The following CNTN6 variants were observed in gnomAD, a reference collection of about 807,000 sequenced individuals.
CNTN6 encodes contactin 6, also known as contactin-6.
CNTN6 carries 137 observed loss-of-function variants against 122.8 expected under a neutral mutation model. That is an observed-to-expected ratio of 1.12 (90% CI 0.97 to 1.29). The LOEUF is 1.29. CNTN6 is among the 50% of genes most tolerant of loss of function. The pLI, the probability that CNTN6 is intolerant of heterozygous loss-of-function variation, is 0.00. For synonymous variants in CNTN6, 570 were observed against 426.0 expected (o/e 1.34, Z -4.16); for missense variants, 1,634 against 1,223.4 (o/e 1.34, Z -5.01).
chr3:1,232,916 G>C (rs145247225), intron 4 of CNTN6, among the ~76,000 whole-genome samples: 1 of 152,302 alleles, frequency 6.6e-6, no homozygotes, highest in East Asian at 1.9e-4. Context: ...CGGAAGAACA[G>C]TAAGAGGAAA....
chr3:1,300,449 C>A (rs1575606115), intron 7 of CNTN6, among the ~76,000 whole-genome samples: 2 of 114,446 alleles, frequency 1.7e-5, no homozygotes, highest in African/African-American at 4.4e-5. Flanking sequence ...AGGGTCAGTT[C>A]AGGAAGGAAG....
At chr3:1,380,128 T>C (rs1175353007) in intron 17 of CNTN6, among the ~76,000 whole-genome samples, 1 of 152,184 alleles carries the variant, frequency 6.6e-6, no homozygotes, top group Non-Finnish European at 1.5e-5. Context: ...CCCAGGTCAA[T>C]GTCACTCCTG....
intron 1 of CNTN6, among the ~76,000 whole-genome samples, chr3:1,104,361 T>A (rs1490195687): frequency 2.6e-5 from 4 of 151,984 alleles, no homozygotes; most frequent in Non-Finnish European, 4.4e-5. Context: ...TTATAGAGAG[T>A]GAGATATTCT....
At chr3:1,100,568 T>C (rs2090833458) in intron 1 of CNTN6, among the ~76,000 whole-genome samples, 1 of 152,156 alleles carries the variant, frequency 6.6e-6, no homozygotes, top group South Asian at 2.1e-4. Flanking sequence ...TCAGCTATTA[T>C]ATATTTCAAT....
Position 1,376,951 on chromosome 3 carries a change from G to C in CNTN6, c.2096-54G>C. The C allele has an allele frequency of 3.3e-6, 4 of 1,216,416 alleles. No homozygotes were observed. In the Admixed American group the frequency reaches 7.9e-5, roughly 24 times the overall value. The allele number at this position is 1,216,416 out of a possible 1,614,324, so 75.4% of individuals were successfully genotyped here. On this transcript the variant is annotated intron_variant, in intron 16 of 22. Transcript: ENST00000446702. The stretch of plus-strand genomic sequence containing the variant: ...GAAATTCAAAAACAAAATTCTTCCT[G>C]ATGAAGACGTACTTTAATAATTGCC...
chr3:1,387,960 T>A (rs954995740), intron 20 of CNTN6, among the ~76,000 whole-genome samples: 1 of 151,898 alleles, frequency 6.6e-6, no homozygotes, highest in Non-Finnish European at 1.5e-5. Context: ...GAGATCAAAC[T>A]GCAAGGCGGC....
chr3:1,320,699 T>C (rs144191665), intron 7 of CNTN6, among the ~76,000 whole-genome samples: 42 of 151,882 alleles, frequency 2.8e-4, no homozygotes, highest in African/African-American at 1.0e-3. Flanking sequence ...GTGAACAGAC[T>C]GGGGATTCAT....
At chr3:1,389,594 G>GTAAATGGACTAAATT in intron 20 of CNTN6, among the ~76,000 whole-genome samples, 1 of 123,886 alleles carries the variant, frequency 8.1e-6, no homozygotes. Context: ...TGGACTAAAT[G>GTAAATGGACTAAATT]CTCTAATTAA....
chr3:1,325,508 T>C (rs265782), intron 8 of CNTN6, among the ~76,000 whole-genome samples: 84,078 of 151,448 alleles, frequency 0.56, 24,907 homozygotes, highest in East Asian at 0.76. Context: ...ATATTTAGCA[T>C]GGATTTATTC....
chr3:1,310,501 G>A (rs1044681542), intron 7 of CNTN6, among the ~76,000 whole-genome samples: 1 of 152,044 alleles, frequency 6.6e-6, no homozygotes, highest in Non-Finnish European at 1.5e-5. Flanking sequence ...TTTAATTGTT[G>A]CTGGACACAA....
chr3:1,193,964 TTATC>T (rs977387028), intron 2 of CNTN6, among the ~76,000 whole-genome samples: 1 of 152,138 alleles, frequency 6.6e-6, no homozygotes, highest in African/African-American at 2.4e-5. Context: ...CTCATGGCTT[TTATC>T]TATGTTTTTT....
At chr3:1,106,072 G>T (rs543420882) in intron 1 of CNTN6, among the ~76,000 whole-genome samples, 1 of 152,112 alleles carries the variant, frequency 6.6e-6, no homozygotes, top group South Asian at 2.1e-4. Context: ...CTGTGTTTTG[G>T]AGGTAATCTA....
intron 7 of CNTN6, 115 bp downstream of exon 7, chr3:1,298,106 C>A: frequency 1.4e-6 from 1 of 692,076 alleles, no homozygotes; most frequent in Non-Finnish European, 2.4e-6. Context: ...ATTTCAAATG[C>A]TGGGCAACAG....
intron 19 of CNTN6, among the ~76,000 whole-genome samples, chr3:1,385,300 T>G (rs1692701472): frequency 1.3e-5 from 2 of 152,218 alleles, no homozygotes; most frequent in South Asian, 4.1e-4. Flanking sequence ...TGTTTTTGTC[T>G]GACTTGTTAT....
intron 1 of CNTN6, among the ~76,000 whole-genome samples, chr3:1,113,195 T>C (rs1441026716): frequency 1.3e-5 from 2 of 152,160 alleles, no homozygotes; most frequent in African/African-American, 4.8e-5. Flanking sequence ...CTGTAACTTC[T>C]AAAGAGGCCA....
At chr3:1,388,106 G>A (rs1389986975) in intron 20 of CNTN6, among the ~76,000 whole-genome samples, 17 of 152,250 alleles carry the variant, frequency 1.1e-4, no homozygotes, top group African/African-American at 3.9e-4. Context: ...ACCTCTCGGG[G>A]CAGGGCACAG....
chr3:1,208,258 C>T (rs974031135), intron 2 of CNTN6, among the ~76,000 whole-genome samples: 5 of 152,062 alleles, frequency 3.3e-5, no homozygotes, highest in Admixed American at 3.3e-4. Flanking sequence ...ATTTAAGGTC[C>T]TTCAAAACTG....
chr3:1,356,398 C>T (rs953298222), intron 12 of CNTN6, among the ~76,000 whole-genome samples: 3 of 151,690 alleles, frequency 2.0e-5, no homozygotes, highest in South Asian at 2.1e-4. Flanking sequence ...GTTTATTCTT[C>T]GTGATAGAAG....
Position 1,374,015 on chromosome 3 carries a change from C to G in CNTN6, c.2037C>G (p.Asn679Lys), listed in dbSNP as rs780804599. 1 of 1,613,128 alleles carries G rather than the reference C, an allele frequency of 6.2e-7. No individual in the cohort carries two copies. Among genetic ancestry groups the G allele is most frequent in the South Asian group, 1.1e-5 (1 of 91,060 alleles). Reference sequence around the variant, plus strand: ...ATGAATTTCGTGTTGTTGCCGGCAACAGCATTGGGATTGGAGAACCAAGTG... The same window carrying G: ...ATGAATTTCGTGTTGTTGCCGGCAAGAGCATTGGGATTGGAGAACCAAGTG... The part of the protein sequence containing the change: ...VEYEFRVVAG[N>K]SIGIGEPSEP... The change falls in exon 16 of 23, where the codon AAC (asparagine) becomes AAG (lysine). Residue 679 changes from asparagine to lysine, a missense_variant. Asn to Lys is a moderately conservative substitution (Grantham distance 94). Coordinates refer to ENST00000446702, the MANE Select transcript of CNTN6 (RefSeq NM_001289080.2).
Sources: gnomAD v4.1 joint callset for allele counts (sites outside exome capture counted in the v4.1 genomes callset) on GRCh38, gnomAD v4.1.1 for gene constraint, MANE v1.5 for transcripts, NCBI Gene and HGNC (gene_info 2026-07-23, HGNC 2026-07-21) for gene names.